MFAP3L: variants seen among roughly 807,000 people sequenced by gnomAD.
MFAP3L encodes the protein microfibrillar-associated protein 3-like.
In MFAP3L, 5 loss-of-function variants were observed where a neutral mutation model predicts 20.0. The ratio of observed to expected loss-of-function variants is 0.25; its 90% CI spans 0.13 to 0.53. The LOEUF is 0.53. Ranked by LOEUF, MFAP3L falls within the 20% of genes least tolerant of loss-of-function variation. The pLI is 0.96. For synonymous variants in MFAP3L, 219 were observed against 213.0 expected (o/e 1.03, Z -0.25); for missense variants, 409 against 527.5 (o/e 0.78, Z 2.20).
upstream of MFAP3L, chr4:170,026,782 G>A (rs1267263744): frequency 6.6e-6 from 1 of 152,266 alleles, no homozygotes; most frequent in Admixed American, 6.5e-5. Flanking sequence ...GCGTGTTCAA[G>A]GACACCCAGG....
chr4:170,003,108 G>A (rs1430121466), intron 2 of MFAP3L, among the ~76,000 whole-genome samples: 2 of 152,126 alleles, frequency 1.3e-5, no homozygotes, highest in Non-Finnish European at 2.9e-5. Context: ...ATCCCATGTT[G>A]CTTATGCTCT....
chr4:170,010,857 G>A (rs1739336293), intron 1 of MFAP3L, among the ~76,000 whole-genome samples: 1 of 152,066 alleles, frequency 6.6e-6, no homozygotes, highest in Non-Finnish European at 1.5e-5. Context: ...CAACTATACT[G>A]AATTTTAGAT....
intron 1 of MFAP3L, among the ~76,000 whole-genome samples, chr4:170,009,359 G>T (rs1047111993): frequency 6.7e-6 from 1 of 150,140 alleles, no homozygotes; most frequent in Non-Finnish European, 1.5e-5. Context: ...CTCCAGCCTG[G>T]GCGACAGAGC....
At position 170,005,718 on chromosome 4, in the gene MFAP3L, C is replaced by A. The variant is rs770162716; in HGVS notation, c.160G>T (p.Asp54Tyr). 6.2e-7 allele frequency: 1 copy of A among 1,614,138 alleles called. No individual in the cohort carries two copies. The highest frequency in any genetic ancestry group is 8.5e-7 in the Non-Finnish European group (1 of 1,180,030). Reference sequence around the variant, plus strand: ...TTCCCTTCCTTGACTATGATATGGTCAGTTCTGGCAATGATTACGGGCACA... The same window carrying A: ...TTCCCTTCCTTGACTATGATATGGTAAGTTCTGGCAATGATTACGGGCACA... ...GSVPVIIARTDHIIVKEGNSA... is the reference protein window; with the variant it reads ...GSVPVIIARTYHIIVKEGNSA... Residue 54 changes from aspartate (D) to tyrosine (Y), a missense_variant, in exon 2 of 3, where the codon GAC (aspartate) becomes TAC (tyrosine). Physicochemically the swap from Asp to Tyr is radical, Grantham distance 160. Coordinates refer to ENST00000361618, the MANE Select transcript of MFAP3L (RefSeq NM_021647.8).
At chr4:170,017,894 C>G (rs1739798092) in intron 1 of MFAP3L, among the ~76,000 whole-genome samples, 1 of 152,166 alleles carries the variant, frequency 6.6e-6, no homozygotes, top group Non-Finnish European at 1.5e-5. Flanking sequence ...GGTGATCTCT[C>G]CCATCTCTCC....
At chr4:169,994,045 A>G (rs1417311251) in intron 2 of MFAP3L, among the ~76,000 whole-genome samples, 1 of 152,160 alleles carries the variant, frequency 6.6e-6, no homozygotes, top group Non-Finnish European at 1.5e-5. Context: ...TTGTCAATTT[A>G]TTTTCTTATA....
At position 170,025,534 on chromosome 4, in the gene MFAP3L, G is replaced by GT. The variant is rs1191242212; in HGVS notation, c.-134+699dup. Among the ~76,000 whole-genome samples the GT allele has an allele frequency of 9.2e-5, 14 of 151,544 alleles. No individual in the cohort carries two copies. In the East Asian group the frequency reaches 9.7e-4, roughly 10 times the overall value. ...CTACCTTGCTTTATAAAGCTTGCAA[G>GT]TTTTTTTTTCAGGGCTGGAGAAGAC... On this transcript the variant is annotated intron_variant, in intron 1 of 2. Coordinates refer to ENST00000361618, the MANE Select transcript of MFAP3L (RefSeq NM_021647.8).
chr4:170,027,180 G>C (rs1461452868), upstream of MFAP3L: 48 of 149,690 alleles, frequency 3.2e-4, no homozygotes, highest in Non-Finnish European at 1.0e-4. Flanking sequence ...TTCGCTACAC[G>C]ATCCTGCAAT....
At chr4:170,017,632 G>C (rs1391327398) in intron 1 of MFAP3L, among the ~76,000 whole-genome samples, 1 of 152,178 alleles carries the variant, frequency 6.6e-6, no homozygotes, top group Non-Finnish European at 1.5e-5. Context: ...TAACATTGTA[G>C]CTAATTATTT....
chr4:169,997,060 G>C (rs1201436710), intron 2 of MFAP3L, among the ~76,000 whole-genome samples: 1 of 150,102 alleles, frequency 6.7e-6, no homozygotes, highest in Non-Finnish European at 1.5e-5. Context: ...GAAGTTTAAA[G>C]ATGAAGACCA....
At chr4:170,014,318 T>A (rs1045187984) in intron 1 of MFAP3L, among the ~76,000 whole-genome samples, 3 of 152,222 alleles carry the variant, frequency 2.0e-5, no homozygotes, top group African/African-American at 7.2e-5. Context: ...CAATTGTTTT[T>A]ATTTGATCTC....
chr4:170,010,668 A>G (rs1739318549), intron 1 of MFAP3L, among the ~76,000 whole-genome samples: 1 of 152,228 alleles, frequency 6.6e-6, no homozygotes, highest in Admixed American at 6.5e-5. Flanking sequence ...TTGTAGGAAA[A>G]TGGTATATAA....
chr4:170,002,335 G>T, intron 2 of MFAP3L: 1 of 757,694 alleles, frequency 1.3e-6, no homozygotes, highest in Non-Finnish European at 1.6e-6. Flanking sequence ...TATACATGAG[G>T]ATTAATAACA....
rs1402203116 is a variant in MFAP3L at position 170,005,758 on chromosome 4, G to A, written c.120C>T (p.Asn40=). The change falls in exon 2 of 3, where the codon AAC becomes AAT. Residue 40 remains asparagine, a synonymous_variant. Transcript: ENST00000361618. ...SVTNSTLNGT[N]VVLGSVPVII... is the part of the protein sequence containing the mutation. ...TTACGGGCACAGAGCCCAAGACCAC[G>A]TTAGTGCCATTTAAAGTGCTGTTAG... 6 of 1,614,218 alleles carry A rather than the reference G, an allele frequency of 3.7e-6. No individual in the cohort carries two copies. The highest frequency in any genetic ancestry group is 1.3e-5 in the African/African-American group (1 of 75,054).
chr4:170,026,103 C>G (rs1730378440), intron 1 of MFAP3L, 131 bp downstream of exon 1: 1 of 405,858 alleles, frequency 2.5e-6, no homozygotes, highest in African/African-American at 2.2e-5. Flanking sequence ...AGCGCAGCCT[C>G]CGCCGCAGTC....
chr4:170,000,558 A>C lies in MFAP3L; in HGVS notation c.298+5022T>G, dbSNP rs140352771. ...ATCCCACTTGTAGTAAAAAAGGATT[A>C]TCTCTATTTCACAGACAAGAAGACT... On this transcript the variant is annotated intron_variant, in intron 2 of 2. Coordinates refer to ENST00000361618, the MANE Select transcript of MFAP3L (RefSeq NM_021647.8). 7.9e-5 allele frequency among the ~76,000 whole-genome samples: 12 copies of C among 152,364 alleles called. No individual in the cohort carries two copies. In the East Asian group the frequency reaches 2.3e-3, roughly 29 times the overall value.
Position 170,005,975 on chromosome 4 carries a change from G to A in MFAP3L, c.-98C>T. 6.8e-7 allele frequency: 1 copy of A among 1,476,532 alleles called. No homozygotes were observed. The highest frequency in any genetic ancestry group is 1.4e-5 in the South Asian group (1 of 71,796). 91.5% of individuals were successfully genotyped at this position (1,476,532 alleles called of 1,614,324 possible). On this transcript the variant is annotated 5_prime_UTR_variant, in exon 2 of 3. An upstream open reading frame in the 5' UTR gains an earlier in-frame stop. Transcript: ENST00000361618. ...TCACAGCAGGTCATGGGACAAACCT[G>A]TCCTGGGTCCATAGAGTTGGTACTT...
rs1019120788 is a variant in MFAP3L, at chr4:169,992,907, C to T, written c.299-598G>A. Among the ~76,000 whole-genome samples, 2 of 152,184 alleles carry T rather than the reference C, an allele frequency of 1.3e-5. No individual in the cohort carries two copies. The highest frequency in any genetic ancestry group is 4.8e-5 in the African/African-American group (2 of 41,436). Reference sequence around the variant, plus strand: ...ATAATTTGTATCATTCATTTTGAGACTCCACAGTGAATTATCTATACTATT... The same window carrying T: ...ATAATTTGTATCATTCATTTTGAGATTCCACAGTGAATTATCTATACTATT... On this transcript the variant is annotated intron_variant, in intron 2 of 2. Coordinates refer to ENST00000361618, the MANE Select transcript of MFAP3L (RefSeq NM_021647.8). The surrounding 1 kb of genome is among the most constrained non-coding windows in gnomAD (Gnocchi z 4.3).
At chr4:170,003,518 T>G (rs1455484980) in intron 2 of MFAP3L, among the ~76,000 whole-genome samples, 1 of 152,202 alleles carries the variant, frequency 6.6e-6, no homozygotes, top group African/African-American at 2.4e-5. Flanking sequence ...CATATGTATC[T>G]CAGACGCAGT....
Sources: allele counts gnomAD v4.1 joint callset (sites outside exome capture counted in the v4.1 genomes callset), GRCh38; gene constraint gnomAD v4.1.1; non-coding constraint Gnocchi (gnomAD v3.1); transcripts MANE v1.5; gene names NCBI Gene and HGNC (gene_info 2026-07-23, HGNC 2026-07-21).